CDH12: variants seen among roughly 807,000 people sequenced by gnomAD.
CDH12 encodes cadherin-12.
In CDH12, 41 loss-of-function variants were observed where a neutral mutation model predicts 74.1. That is an observed-to-expected ratio of 0.55 (90% CI 0.43 to 0.72). The LOEUF is 0.72. Among genes scored for constraint, CDH12 ranks in the 30% least tolerant of loss-of-function variants. The pLI, the probability that CDH12 is intolerant of heterozygous loss-of-function variation, is 0.00. For missense variants in CDH12, 945 were observed against 977.2 expected, an observed-to-expected ratio of 0.97 and a Z score of 0.44; for synonymous variants, 399 against 355.0, an observed-to-expected ratio of 1.12 and a Z score of -1.39.
intron 5 of CDH12, among the ~76,000 whole-genome samples, chr5:22,011,843 A>G (rs1180580019): frequency 6.6e-6 from 1 of 152,134 alleles, no homozygotes; most frequent in Admixed American, 6.6e-5. Flanking sequence ...CAAAACACAC[A>G]CAATACTTGA....
chr5:22,836,820 A>G (rs1736848838), intron 1 of CDH12, among the ~76,000 whole-genome samples: 1 of 152,158 alleles, frequency 6.6e-6, no homozygotes, highest in South Asian at 2.1e-4. Context: ...TATTTCCACC[A>G]TGTCTTTGGG....
chr5:21,795,049 A>G (rs769289251), intron 10 of CDH12, among the ~76,000 whole-genome samples: 8 of 151,696 alleles, frequency 5.3e-5, no homozygotes, highest in South Asian at 2.1e-4. Flanking sequence ...AAAAGAGTTC[A>G]TCTTTTTTGA....
rs145009754 is a variant in CDH12 at position 22,781,829 on chromosome 5, G to T, written c.-523+71229C>A. Among the ~76,000 whole-genome samples the T allele has an allele frequency of 5.9e-5, 9 of 152,282 alleles. No homozygotes were observed. In the East Asian group the frequency reaches 1.5e-3, roughly 26 times the overall value. On this transcript the variant is annotated intron_variant, in intron 1 of 14. Coordinates refer to ENST00000382254, the MANE Select transcript of CDH12 (RefSeq NM_004061.5). The stretch of plus-strand genomic sequence containing the variant: ...GTAAAGATAATTTTTCAAGAAAATT[G>T]TTAGAAAAGAAATTGGTACTCAAGA...
At chr5:22,485,308 A>G (rs1392623278) in intron 2 of CDH12, among the ~76,000 whole-genome samples, 3 of 152,104 alleles carry the variant, frequency 2.0e-5, no homozygotes, top group Non-Finnish European at 4.4e-5. Context: ...CAGCCTCCAG[A>G]GCAGTAGGGA....
intron 1 of CDH12, among the ~76,000 whole-genome samples, chr5:22,683,430 A>G (rs1741600899): frequency 6.6e-6 from 1 of 152,184 alleles, no homozygotes; most frequent in Non-Finnish European, 1.5e-5. Flanking sequence ...TCTAGTAGGT[A>G]AGAAAGAGTA....
chr5:22,453,361 A>G (rs181139327), intron 2 of CDH12, among the ~76,000 whole-genome samples: 153 of 152,290 alleles, frequency 1.0e-3, no homozygotes, highest in Admixed American at 1.8e-3. Flanking sequence ...TAAAGGTATG[A>G]AAACATGTTG....
intron 3 of CDH12, among the ~76,000 whole-genome samples, chr5:22,292,799 G>T (rs1345206844): frequency 6.6e-6 from 1 of 152,154 alleles, no homozygotes; most frequent in African/African-American, 2.4e-5. Flanking sequence ...CTGTTGGTGG[G>T]AATGTAAATT....
intron 8 of CDH12, among the ~76,000 whole-genome samples, chr5:21,833,545 T>A (rs893374541): frequency 3.8e-5 from 5 of 133,208 alleles, no homozygotes; most frequent in Non-Finnish European, 6.2e-5. Context: ...ATATGTAATA[T>A]ATTATATAAT....
chr5:22,756,098 G>GAAAAA (rs60067455), intron 1 of CDH12, among the ~76,000 whole-genome samples: 132 of 87,168 alleles, frequency 1.5e-3, no homozygotes, highest in Middle Eastern at 6.6e-3. Context: ...TTCAAGGACC[G>GAAAAA]AAAAAAAAAA....
In CDH12 at chr5:22,771,947, C is replaced by A. The variant is rs968392651; in HGVS notation, c.-523+81111G>T. ...AAACACACACGCACACATATATGTT[C>A]TATTAGTTCTTTTTTTTCTGAAGAA... is the stretch of plus-strand genomic sequence containing the variant. On this transcript the variant is annotated intron_variant, in intron 1 of 14. Transcript: ENST00000382254. Among the ~76,000 whole-genome samples, 11 of 151,990 alleles carry A rather than the reference C, an allele frequency of 7.2e-5. No homozygotes were observed. In the East Asian group the frequency reaches 1.4e-3, roughly 19 times the overall value.
In CDH12 at chr5:22,116,281, C is replaced by T. The variant is rs113372671; in HGVS notation, c.-186-37419G>A. 3.2e-3 allele frequency among the ~76,000 whole-genome samples: 487 copies of T among 152,054 alleles called. 9 individuals are homozygous for T. The highest frequency in any genetic ancestry group is 0.011 in the African/African-American group (473 of 41,470). On this transcript the variant is annotated intron_variant, in intron 4 of 14. Transcript: ENST00000382254. ...TTGTTGGCTTGCAGATGAAAGGGGG[C>T]CATGTGTCAAGGAAATGGAAACATC...
Position 22,607,204 on chromosome 5 carries a change from C to T in CDH12, c.-522-101840G>A, listed in dbSNP as rs565856768. Reference sequence around the variant, plus strand: ...TTTTCTGGGGAGAAATTCAAGCTGTCTGCAGAAATTTGCATAAGTAATGAG... The same window carrying T: ...TTTTCTGGGGAGAAATTCAAGCTGTTTGCAGAAATTTGCATAAGTAATGAG... On this transcript the variant is annotated intron_variant, in intron 1 of 14. Coordinates refer to ENST00000382254, the MANE Select transcript of CDH12 (RefSeq NM_004061.5). 5.9e-5 allele frequency among the ~76,000 whole-genome samples: 9 copies of T among 152,270 alleles called. No homozygotes were observed. The East Asian group carries it at 1.7e-3, about 29-fold the overall frequency.
At chr5:21,985,294 A>G (rs1757467547) in intron 5 of CDH12, among the ~76,000 whole-genome samples, 1 of 152,160 alleles carries the variant, frequency 6.6e-6, no homozygotes, top group Non-Finnish European at 1.5e-5. Flanking sequence ...GCTCTTCTTC[A>G]GTCTCAAAAC....
chr5:22,464,534 G>A (rs966495846), intron 2 of CDH12, among the ~76,000 whole-genome samples: 1 of 152,046 alleles, frequency 6.6e-6, no homozygotes, highest in African/African-American at 2.4e-5. Flanking sequence ...TGATTCTTCT[G>A]TTAAATGTTG....
At chr5:22,147,646 T>A (rs1281961015) in intron 4 of CDH12, among the ~76,000 whole-genome samples, 1 of 149,974 alleles carries the variant, frequency 6.7e-6, no homozygotes, top group African/African-American at 2.5e-5. Context: ...TGGGGAGGCC[T>A]CACAATCATG....
intron 1 of CDH12, among the ~76,000 whole-genome samples, chr5:22,539,538 C>T (rs947300391): frequency 6.6e-6 from 1 of 152,178 alleles, no homozygotes. Flanking sequence ...AACCAATCGT[C>T]TCCTTGCTTT....
At chr5:22,086,332 T>C (rs1333158466) in intron 4 of CDH12, among the ~76,000 whole-genome samples, 1 of 151,492 alleles carries the variant, frequency 6.6e-6, no homozygotes, top group East Asian at 1.9e-4. Context: ...TATATATTTA[T>C]TTATTTATTT....
At chr5:22,043,691 C>A (rs1282659222) in intron 5 of CDH12, among the ~76,000 whole-genome samples, 17 of 151,090 alleles carry the variant, frequency 1.1e-4, no homozygotes, top group African/African-American at 4.1e-4. Context: ...TATAGAAAAT[C>A]CCAAAAACTC....
At chr5:22,844,440 C>T (rs767055849) in intron 1 of CDH12, among the ~76,000 whole-genome samples, 11 of 152,044 alleles carry the variant, frequency 7.2e-5, no homozygotes, top group Non-Finnish European at 1.3e-4. Flanking sequence ...TCATTGCCTG[C>T]TTAAAAACTC....
Sources: gnomAD v4.1 joint callset for allele counts (sites outside exome capture counted in the v4.1 genomes callset) on GRCh38, gnomAD v4.1.1 for gene constraint, MANE v1.5 for transcripts, NCBI Gene and HGNC (gene_info 2026-07-23, HGNC 2026-07-21) for gene names.